The following ACACB variants were observed in gnomAD, a reference collection of about 807,000 sequenced individuals.
The protein encoded by ACACB is acetyl-CoA carboxylase 2.
ACACB carries 209 observed loss-of-function variants against 278.8 expected under a neutral mutation model. The ratio of observed to expected loss-of-function variants is 0.75; its 90% confidence interval spans 0.67 to 0.84. The LOEUF (loss-of-function observed/expected upper bound fraction) is 0.84. ACACB is among the 40% of genes least tolerant of loss of function. The probability of loss-of-function intolerance (pLI) is 0.00; values close to 1 mark genes in which losing one functional copy is unlikely to be tolerated. For missense variants in ACACB, 2,850 were observed against 3,269.0 expected (o/e 0.87, Z 3.13); for synonymous variants, 1,174 against 1,285.6 (o/e 0.91, Z 1.86).
intron 1 of ACACB, among the ~76,000 whole-genome samples, chr12:109,135,428 T>C (rs1285081460): frequency 6.6e-6 from 1 of 152,120 alleles, no homozygotes; most frequent in African/African-American, 2.4e-5. Context: ...TAGACTCTTA[T>C]TAGATATATG....
At position 109,162,165 on chromosome 12, in the gene ACACB, G is replaced by A. The variant is rs536076780; in HGVS notation, c.654-4696G>A. 1.1e-3 allele frequency among the ~76,000 whole-genome samples: 162 copies of A among 152,180 alleles called. 5 individuals are homozygous for A. In the South Asian group the frequency reaches 0.03, roughly 28 times the overall value. On this transcript the variant is annotated intron_variant, in intron 2 of 52. Transcript: ENST00000338432. ...CTACTTTTTGTGTTTTTTTAGTTGG[G>A]ATGGGGTTTCATCATGTTGGCCAGG...
intron 19 of ACACB, among the ~76,000 whole-genome samples, chr12:109,206,174 C>G (rs560844794): frequency 2.6e-5 from 4 of 151,892 alleles, no homozygotes; most frequent in East Asian, 1.9e-4. Context: ...AGTGGCTCAC[C>G]CCTGTAATCC....
chr12:109,209,407 C>T lies in ACACB; in HGVS notation c.3249+54C>T, dbSNP rs2045616458. On this transcript the variant is annotated intron_variant, in intron 21 of 52. Coordinates refer to ENST00000338432, the MANE Select transcript of ACACB (RefSeq NM_001093.4). ...CACCAGGATGGTCACACTGGGCCGG[C>T]TCCCGGTCTGGCTCGATATCTGGCC... The T allele has an allele frequency of 2.6e-6, 4 of 1,537,738 alleles. No individual in the cohort carries two copies. In the Middle Eastern group the frequency reaches 7.0e-4, roughly 271 times the overall value.
intron 11 of ACACB, among the ~76,000 whole-genome samples, chr12:109,182,503 G>T (rs1254677332): frequency 6.6e-6 from 1 of 152,140 alleles, no homozygotes; most frequent in Non-Finnish European, 1.5e-5. Flanking sequence ...GAGTAGCTGA[G>T]ACTACAAGTG....
At position 109,132,542 on chromosome 12, in the gene ACACB, G is replaced by A. The variant is rs114871605; in HGVS notation, c.-9-6855G>A. On this transcript the variant is annotated intron_variant, in intron 1 of 52. Coordinates refer to ENST00000338432, the MANE Select transcript of ACACB (RefSeq NM_001093.4). ...CTTGAAGACACTCCACAAATTTGATGGCTTGTATGTGTGGTTGCTATATAG... is the reference window on the plus strand; with the variant it reads ...CTTGAAGACACTCCACAAATTTGATAGCTTGTATGTGTGGTTGCTATATAG... Among the ~76,000 whole-genome samples, 1,037 of 152,270 alleles carry A rather than the reference G, an allele frequency of 6.8e-3. 10 individuals carry two copies. The highest frequency in any genetic ancestry group is 0.024 in the African/African-American group (982 of 41,538).
At chr12:109,189,400 G>A (rs1259117538) in intron 13 of ACACB, among the ~76,000 whole-genome samples, 1 of 152,178 alleles carries the variant, frequency 6.6e-6, no homozygotes, top group Non-Finnish European at 1.5e-5. Flanking sequence ...GCGGAAGACA[G>A]GTCAGCCAGC....
At chr12:109,162,335 G>C (rs2043755152) in intron 2 of ACACB, among the ~76,000 whole-genome samples, 1 of 152,124 alleles carries the variant, frequency 6.6e-6, no homozygotes. Flanking sequence ...CTGGCTTAAG[G>C]CTGAGTCCTA....
rs547340285 is a variant in ACACB at position 109,241,627 on chromosome 12, G to A, written c.5022+346G>A. The A allele has an allele frequency of 4.0e-4, 123 of 309,060 alleles. 1 individual carries two copies. Among genetic ancestry groups the A allele is most frequent in the Middle Eastern group, 1.1e-3 (1 of 898 alleles). The allele number at this position is 309,060 out of a possible 1,614,324, so 19.1% of individuals were successfully genotyped here. On this transcript the variant is annotated intron_variant, in intron 36 of 52. Coordinates refer to ENST00000338432, the MANE Select transcript of ACACB (RefSeq NM_001093.4). Reference sequence around the variant, plus strand: ...CCTCCAAAGTGCTGGGATTATAGGCGTGAGCCACCACGCCTGGCCATATGG... The same window carrying A: ...CCTCCAAAGTGCTGGGATTATAGGCATGAGCCACCACGCCTGGCCATATGG...
Position 109,227,368 on chromosome 12 carries a change from C to T in ACACB, c.3883-3C>T, listed in dbSNP as rs780051156. 4 of 1,609,242 alleles carry T rather than the reference C, an allele frequency of 2.5e-6. No homozygotes were observed. In the South Asian group the frequency reaches 3.3e-5, roughly 13 times the overall value. The stretch of plus-strand genomic sequence containing the variant: ...GAATGTCCGTGTGTTTCTGCCTTGT[C>T]AGGTTTACGTGCGGAGGGGCTACAT... On this transcript the variant is annotated splice_region_variant and splice_polypyrimidine_tract_variant and intron_variant, in intron 27 of 52. Transcript: ENST00000338432.
At chr12:109,213,611 T>C (rs1223629900) in intron 22 of ACACB, among the ~76,000 whole-genome samples, 1 of 152,102 alleles carries the variant, frequency 6.6e-6, no homozygotes, top group Non-Finnish European at 1.5e-5. Flanking sequence ...CTTTGTTTTT[T>C]TGAGATGGAG....
chr12:109,196,232 G>A (rs1388701540), intron 16 of ACACB, among the ~76,000 whole-genome samples: 1 of 152,170 alleles, frequency 6.6e-6, no homozygotes, highest in Non-Finnish European at 1.5e-5. Context: ...GCTCTTGTGT[G>A]CTCCTGGGCA....
intron 19 of ACACB, among the ~76,000 whole-genome samples, chr12:109,203,967 A>T (rs1046196698): frequency 3.9e-5 from 6 of 152,152 alleles, no homozygotes; most frequent in African/African-American, 7.2e-5. Flanking sequence ...AAAAAAATTT[A>T]AAAATATCAC....
At chr12:109,161,652 G>GT (rs552510939) in intron 2 of ACACB, among the ~76,000 whole-genome samples, 55 of 152,062 alleles carry the variant, frequency 3.6e-4, no homozygotes, top group African/African-American at 1.1e-3. Context: ...ATCAACCTAA[G>GT]TGTCCACCAA....
intron 13 of ACACB, among the ~76,000 whole-genome samples, chr12:109,189,629 C>A (rs1317501662): frequency 6.6e-6 from 1 of 152,212 alleles, no homozygotes; most frequent in Non-Finnish European, 1.5e-5. Flanking sequence ...GAAACTGGGA[C>A]AAGTCACTCA....
chr12:109,167,305 C>T (rs961207218), intron 3 of ACACB: 4 of 235,758 alleles, frequency 1.7e-5, no homozygotes, highest in Admixed American at 1.6e-4. Flanking sequence ...TCACTGGGCT[C>T]GGCACAGTGG....
At chr12:109,223,002 A>AG in intron 26 of ACACB, 90 bp downstream of exon 26, 1 of 1,036,702 alleles carries the variant, frequency 9.6e-7, no homozygotes, top group Non-Finnish European at 1.5e-6. Context: ...CCTGCCCTCC[A>AG]GGTGCTCAGT....
At chr12:109,183,912 A>AT (rs932373329) in intron 11 of ACACB, among the ~76,000 whole-genome samples, 4 of 144,982 alleles carry the variant, frequency 2.8e-5, no homozygotes, top group Non-Finnish European at 4.6e-5. Flanking sequence ...AGTTTTCTTT[A>AT]TTTTTTTTTC....
chr12:109,139,893 C>A lies in ACACB; in HGVS notation c.488C>A (p.Thr163Asn). 6.2e-7 allele frequency: 1 copy of A among 1,614,206 alleles called. No homozygotes were observed. Among genetic ancestry groups the A allele is most frequent in the East Asian group, 2.2e-5 (1 of 44,878 alleles). Reference protein sequence around the residue: ...KQANIKRQLMTNFILGSFDDY... With the variant: ...KQANIKRQLMNNFILGSFDDY... ...GCAAACATCAAGAGGCAGCTGATGA[C>A]CAACTTCATCCTGGGCTCTTTTGAT... The change falls in exon 2 of 53, where the codon ACC becomes AAC. Residue 163 changes from threonine (T) to asparagine (N), a missense_variant. Physicochemically the swap from Thr to Asn is moderately conservative, Grantham distance 65 (BLOSUM62 0). Coordinates refer to ENST00000338432, the MANE Select transcript of ACACB (RefSeq NM_001093.4).
At chr12:109,209,504 C>A (rs1255226503) in intron 21 of ACACB, 151 bp downstream of exon 21, 1 of 767,974 alleles carries the variant, frequency 1.3e-6, no homozygotes, top group Non-Finnish European at 2.0e-6. Context: ...TCCTTTTGAG[C>A]CTTGTCTGCA....
Sources: allele counts gnomAD v4.1 joint callset (sites outside exome capture counted in the v4.1 genomes callset), GRCh38; gene constraint gnomAD v4.1.1; transcripts MANE v1.5; gene names NCBI Gene and HGNC (gene_info 2026-07-23, HGNC 2026-07-21).